The following FARP2 variants were observed in gnomAD, a reference collection of about 807,000 sequenced individuals.
The protein encoded by FARP2 is FERM, ARH/RhoGEF and pleckstrin domain protein 2.
FARP2 carries 111 observed loss-of-function variants against 130.5 expected under a neutral mutation model. That is an observed-to-expected ratio of 0.85 (90% CI 0.73 to 1.00). The LOEUF is 1.00. Among genes scored for constraint, FARP2 ranks in the 50% least tolerant of loss-of-function variants. FARP2 has a pLI of 0.00. For synonymous variants in FARP2, 504 were observed against 516.9 expected, an observed-to-expected ratio of 0.98 and a Z score of 0.34; for missense variants, 1,385 against 1,346.3, an observed-to-expected ratio of 1.03 and a Z score of -0.45.
intron 1 of FARP2, among the ~76,000 whole-genome samples, chr2:241,366,104 A>AAATATATATATAT: frequency 1.8e-5 from 1 of 57,012 alleles, no homozygotes; most frequent in East Asian, 3.7e-4. Context: ...AAAAAAAAAA[A>AAATATATATATAT]ATATATATAT....
chr2:241,493,032 A>G lies in FARP2; in HGVS notation c.2891A>G (p.His964Arg), dbSNP rs760259191. The G allele has an allele frequency of 4.2e-5, 65 of 1,559,792 alleles. No individual in the cohort carries two copies. Among genetic ancestry groups the G allele is most frequent in the Non-Finnish European group, 5.7e-5 (64 of 1,130,568 alleles). ...TTCTGTTTGTTCTTCTACAAAACTC[A>G]TCAGGTACTGGAGTTTCACTGGAGC... The part of the protein sequence containing the change: ...TNFCLFFYKT[H>R]QDDYPLASLP... The change falls in exon 25 of 27, where the codon CAT (histidine) becomes CGT (arginine). Residue 964 changes from histidine (H) to arginine (R), a missense_variant. By Grantham distance (29) the His-to-Arg change is conservative (BLOSUM62 0). Transcript: ENST00000264042.
intron 2 of FARP2, 66 bp from the exon 3 acceptor site, chr2:241,403,762 G>A: frequency 1.0e-6 from 1 of 967,540 alleles, no homozygotes; most frequent in Non-Finnish European, 1.6e-6. Context: ...TTTATGCACA[G>A]TTTTCATAAA....
intron 14 of FARP2, among the ~76,000 whole-genome samples, chr2:241,460,007 A>C (rs2063971755): frequency 6.6e-6 from 1 of 152,054 alleles, no homozygotes; most frequent in South Asian, 2.1e-4. Context: ...CCGGGACTCG[A>C]GCATCCTGTT....
At chr2:241,463,787 C>A in intron 16 of FARP2, 112 bp from the exon 17 acceptor site, 1 of 953,616 alleles carries the variant, frequency 1.0e-6, no homozygotes, top group Non-Finnish European at 1.6e-6. Flanking sequence ...CACCTCAGAG[C>A]TTCACCACCT....
intron 13 of FARP2, among the ~76,000 whole-genome samples, chr2:241,456,137 A>G (rs1401464823): frequency 6.6e-6 from 1 of 152,182 alleles, no homozygotes; most frequent in Non-Finnish European, 1.5e-5. Context: ...TCGAAAACAA[A>G]CATGGTTTTA....
chr2:241,466,564 C>A (rs534055720), intron 17 of FARP2: 2 of 985,328 alleles, frequency 2.0e-6, no homozygotes, highest in Non-Finnish European at 2.4e-6. Flanking sequence ...TTCCACCTCC[C>A]GCTAGAAGCC....
intron 17 of FARP2, among the ~76,000 whole-genome samples, chr2:241,464,534 G>A (rs2150478353): frequency 6.8e-6 from 1 of 147,906 alleles, no homozygotes; most frequent in Non-Finnish European, 1.5e-5. Context: ...TTTCCCCAGA[G>A]CAGAGTCCCC....
chr2:241,452,358 TATAA>T lies in FARP2; in HGVS notation c.1412-4383_1412-4380del, dbSNP rs557914896. Among the ~76,000 whole-genome samples the T allele has an allele frequency of 6.7e-4, 102 of 152,274 alleles. 1 individual carries two copies. Among genetic ancestry groups the T allele is most frequent in the Middle Eastern group, 3.4e-3 (1 of 294 alleles). On this transcript the variant is annotated intron_variant, in intron 13 of 26. Transcript: ENST00000264042. ...GAGGACACAGTCCAACAACTTCGTGTATAAATAAAGTTACACATTCATCGCCAGT... is the reference window on the plus strand; with the variant it reads ...GAGGACACAGTCCAACAACTTCGTGTATAAAGTTACACATTCATCGCCAGT...
At chr2:241,426,519 G>A (rs1474712383) in intron 8 of FARP2, among the ~76,000 whole-genome samples, 2 of 152,160 alleles carry the variant, frequency 1.3e-5, no homozygotes, top group African/African-American at 4.8e-5. Flanking sequence ...ATTTCAAAGT[G>A]GAGAATGTGC....
intron 8 of FARP2, among the ~76,000 whole-genome samples, chr2:241,420,362 T>G (rs577121396): frequency 6.6e-6 from 1 of 152,258 alleles, no homozygotes; most frequent in East Asian, 1.9e-4. Context: ...ATGTGCACTA[T>G]ATTCCACACT....
chr2:241,373,910 A>G (rs946628490), intron 2 of FARP2, among the ~76,000 whole-genome samples: 17 of 152,242 alleles, frequency 1.1e-4, no homozygotes, highest in African/African-American at 3.9e-4. Flanking sequence ...GCATATATCA[A>G]TATTTAAGTA....
rs1485569234 is a variant in FARP2, at chr2:241,434,143, G to A, written c.868-15G>A. The A allele has an allele frequency of 5.7e-6, 9 of 1,579,396 alleles. No individual in the cohort carries two copies. The highest frequency in any genetic ancestry group is 7.7e-6 in the Non-Finnish European group (9 of 1,161,756). ...TTCATTCTTGAATTAATTAACCTTT[G>A]TGTTTTGTTTCTAGGGACCTTACCA... is the stretch of plus-strand genomic sequence containing the variant. On this transcript the variant is annotated splice_polypyrimidine_tract_variant and intron_variant, in intron 9 of 26. Coordinates refer to ENST00000264042, the MANE Select transcript of FARP2 (RefSeq NM_014808.4).
chr2:241,460,311 C>T (rs770431019), intron 14 of FARP2, among the ~76,000 whole-genome samples: 7 of 152,172 alleles, frequency 4.6e-5, no homozygotes, highest in African/African-American at 1.7e-4. Context: ...AGATGGGGTC[C>T]GTCTCTGTTG....
intron 12 of FARP2, among the ~76,000 whole-genome samples, chr2:241,437,153 A>G (rs2063252537): frequency 6.6e-6 from 1 of 152,256 alleles, no homozygotes; most frequent in Non-Finnish European, 1.5e-5. Flanking sequence ...ATGGCTTAAA[A>G]AGAGTATGTG....
chr2:241,488,621 C>A (rs1209999465), intron 21 of FARP2: 1 of 152,100 alleles, frequency 6.6e-6, no homozygotes, highest in East Asian at 1.9e-4. Context: ...AGGATGGTCT[C>A]GATCTCCTGA....
chr2:241,404,188 A>T (rs2062270477), intron 3 of FARP2, among the ~76,000 whole-genome samples: 1 of 152,246 alleles, frequency 6.6e-6, no homozygotes, highest in Admixed American at 6.5e-5. Context: ...TACATCCTGT[A>T]TGAAAATCAT....
At chr2:241,386,473 T>C (rs1381845557) in intron 2 of FARP2, among the ~76,000 whole-genome samples, 1 of 152,206 alleles carries the variant, frequency 6.6e-6, no homozygotes, top group Non-Finnish European at 1.5e-5. Context: ...GGCTCAGATC[T>C]GTCTCCCCAT....
intron 2 of FARP2, among the ~76,000 whole-genome samples, chr2:241,387,790 CAAAAAA>C (rs200728771): frequency 2.1e-5 from 2 of 93,910 alleles, no homozygotes; most frequent in Non-Finnish European, 2.2e-5. Context: ...GAGACTGTCT[CAAAAAA>C]AAAAAAAAAA....
chr2:241,413,715 G>A (rs1015146057), intron 7 of FARP2, among the ~76,000 whole-genome samples: 2 of 152,208 alleles, frequency 1.3e-5, no homozygotes, highest in Non-Finnish European at 2.9e-5. Flanking sequence ...GGCTGAGGCA[G>A]GTGGATTGCC....
Sources: allele counts gnomAD v4.1 joint callset (sites outside exome capture counted in the v4.1 genomes callset), GRCh38; gene constraint gnomAD v4.1.1; transcripts MANE v1.5; gene names NCBI Gene and HGNC (gene_info 2026-07-23, HGNC 2026-07-21).